Variants in APOBEC1 observed in about 807,000 individuals in gnomAD.
APOBEC1 encodes apolipoprotein B mRNA editing enzyme catalytic subunit 1, also known as C->U-editing enzyme APOBEC-1.
A neutral mutation model predicts 26.3 loss-of-function variants in APOBEC1; 22 were observed. The ratio of observed to expected loss-of-function variants is 0.84; its 90% CI spans 0.60 to 1.19. The LOEUF is 1.19. APOBEC1 is among the 50% of genes most tolerant of loss of function. APOBEC1 has a pLI of 0.00. For synonymous variants in APOBEC1, 77 were observed against 95.3 expected, an observed-to-expected ratio of 0.81 and a Z score of 1.12; for missense variants, 253 against 289.0, an observed-to-expected ratio of 0.88 and a Z score of 0.90.
rs79905487 is a variant in APOBEC1 at position 7,656,733 on chromosome 12, G to A, written c.17-2101C>T. Among the ~76,000 whole-genome samples, 230 of 152,302 alleles carry A rather than the reference G, an allele frequency of 1.5e-3. 1 individual carries two copies. The Middle Eastern group carries it at 0.02, about 14-fold the overall frequency. Reference sequence around the variant, plus strand: ...TGCCTATTCCACAAGGTTGTCGGAAGACTCACGTAACACAATGAATGGAAA... The same window carrying A: ...TGCCTATTCCACAAGGTTGTCGGAAAACTCACGTAACACAATGAATGGAAA... On this transcript the variant is annotated intron_variant, in intron 1 of 4. Transcript: ENST00000229304.
intron 1 of APOBEC1, among the ~76,000 whole-genome samples, chr12:7,660,382 A>AGGAAGGAAGGAAGGAC (rs1362316301): frequency 2.0e-4 from 21 of 103,004 alleles, no homozygotes; most frequent in South Asian, 4.4e-4. Context: ...GAAGGAAAGA[A>AGGAAGGAAGGAAGGAC]AGAAAGAAAG....
At chr12:7,665,786 C>CAT (rs1385484052) in intron 1 of APOBEC1, 71 bp downstream of exon 1, 1 of 1,356,894 alleles carries the variant, frequency 7.4e-7, no homozygotes, top group East Asian at 2.3e-5. Flanking sequence ...CACACACACA[C>CAT]ACACACACAC....
chr12:7,657,575 A>AT (rs1555094303), intron 1 of APOBEC1, among the ~76,000 whole-genome samples: 21,331 of 95,890 alleles, frequency 0.22, 1,606 homozygotes, highest in Middle Eastern at 0.4. Context: ...ACAAAACAAA[A>AT]TTAAAAAACA....
At chr12:7,664,565 C>A (rs777960405) in intron 1 of APOBEC1, among the ~76,000 whole-genome samples, 9 of 152,126 alleles carry the variant, frequency 5.9e-5, no homozygotes, top group Admixed American at 2.0e-4. Context: ...CTTTTAAATT[C>A]TGTTCATCAA....
intron 1 of APOBEC1, 52 bp downstream of exon 1, chr12:7,665,800 CACACA>C (rs1454674099): frequency 1.5e-6 from 2 of 1,327,434 alleles, no homozygotes; most frequent in Admixed American, 1.7e-5. Flanking sequence ...CACACACACA[CACACA>C]CCATTCTTGC....
At chr12:7,666,538 AC>A (rs1428015921), upstream of APOBEC1, among the ~76,000 whole-genome samples, 11 of 151,262 alleles carry the variant, frequency 7.3e-5, no homozygotes, top group African/African-American at 2.7e-4. Flanking sequence ...CAGGTGATCC[AC>A]CCGCCTCGTC....
upstream of APOBEC1, among the ~76,000 whole-genome samples, chr12:7,668,634 C>G (rs1167091549): frequency 2.0e-5 from 3 of 152,230 alleles, no homozygotes; most frequent in Non-Finnish European, 2.9e-5. Context: ...TGTCCTGCAC[C>G]TGAAAATTTA....
chr12:7,655,045 C>T (rs1208034620), intron 1 of APOBEC1, among the ~76,000 whole-genome samples: 5 of 151,854 alleles, frequency 3.3e-5, no homozygotes, highest in Non-Finnish European at 7.4e-5. Context: ...CCTGTCTCTA[C>T]CAAAAATACA....
At chr12:7,665,261 C>A (rs922124585) in intron 1 of APOBEC1, among the ~76,000 whole-genome samples, 5 of 152,108 alleles carry the variant, frequency 3.3e-5, no homozygotes, top group African/African-American at 1.2e-4. Flanking sequence ...CTGTTGTTAC[C>A]TTAAACTGTT....
At chr12:7,659,434 T>G (rs898183444) in intron 1 of APOBEC1, among the ~76,000 whole-genome samples, 5 of 137,934 alleles carry the variant, frequency 3.6e-5, no homozygotes, top group African/African-American at 1.4e-4. Flanking sequence ...TGTGACCAAC[T>G]CACCATTTAA....
intron 1 of APOBEC1, among the ~76,000 whole-genome samples, chr12:7,662,336 CTT>C (rs1863831727): frequency 6.6e-6 from 1 of 151,832 alleles, no homozygotes; most frequent in South Asian, 2.1e-4. Flanking sequence ...AATCCCAGCA[CTT>C]TTGGGAGGCC....
intron 3 of APOBEC1, among the ~76,000 whole-genome samples, chr12:7,651,611 CAAAAA>C (rs370874683): frequency 6.3e-5 from 7 of 111,094 alleles, no homozygotes; most frequent in Admixed American, 9.6e-5. Context: ...GACTCCGTCT[CAAAAA>C]AAAAAAAAAA....
At chr12:7,665,735 G>T in intron 1 of APOBEC1, 122 bp downstream of exon 1, 1 of 1,059,362 alleles carries the variant, frequency 9.4e-7, no homozygotes, top group Non-Finnish European at 1.4e-6. Context: ...AACACCCACA[G>T]ATGCAAGAAT....
chr12:7,649,963 G>A (rs1448813843), intron 4 of APOBEC1, among the ~76,000 whole-genome samples: 9 of 151,796 alleles, frequency 5.9e-5, no homozygotes, highest in Non-Finnish European at 5.9e-5. Flanking sequence ...CTACAGGCAC[G>A]CACCACCACA....
intron 2 of APOBEC1, among the ~76,000 whole-genome samples, chr12:7,653,597 G>T (rs949807336): frequency 2.0e-5 from 3 of 149,382 alleles, no homozygotes; most frequent in Non-Finnish European, 4.4e-5. Context: ...GAGTAGCTGA[G>T]ACCACAGGTG....
chr12:7,664,026 T>A (rs987510305), intron 1 of APOBEC1, among the ~76,000 whole-genome samples: 4 of 152,046 alleles, frequency 2.6e-5, no homozygotes, highest in Non-Finnish European at 4.4e-5. Flanking sequence ...CAGCTAATTT[T>A]GTATTTTTAA....
At chr12:7,662,661 T>C (rs1431296073) in intron 1 of APOBEC1, among the ~76,000 whole-genome samples, 1 of 152,060 alleles carries the variant, frequency 6.6e-6, no homozygotes, top group Non-Finnish European at 1.5e-5. Context: ...ATATCAGAGA[T>C]GGCAGTCAGA....
intron 2 of APOBEC1, among the ~76,000 whole-genome samples, chr12:7,653,307 T>TATA (rs1268348554): frequency 2.0e-5 from 3 of 152,186 alleles, no homozygotes; most frequent in African/African-American, 7.2e-5. Flanking sequence ...TGTCTCAAAG[T>TATA]TATCTGAAGA....
intron 1 of APOBEC1, among the ~76,000 whole-genome samples, chr12:7,662,733 C>A (rs1863836850): frequency 6.6e-6 from 1 of 152,120 alleles, no homozygotes; most frequent in African/African-American, 2.4e-5. Context: ...GAGAGCAAGA[C>A]ATGTGGACGT....
Sources: gnomAD v4.1 joint callset for allele counts (sites outside exome capture counted in the v4.1 genomes callset) on GRCh38, gnomAD v4.1.1 for gene constraint, MANE v1.5 for transcripts, NCBI Gene and HGNC (gene_info 2026-07-23, HGNC 2026-07-21) for gene names.